Variants in ZBTB16 observed in about 807,000 individuals in gnomAD.
The protein encoded by ZBTB16 is zinc finger and BTB domain-containing protein 16.
ZBTB16 carries 8 observed loss-of-function variants against 56.8 expected under a neutral mutation model. The ratio of observed to expected loss-of-function variants is 0.14; its 90% CI spans 0.08 to 0.25. The LOEUF (loss-of-function observed/expected upper bound fraction) is 0.25. ZBTB16 is among the 10% of genes least tolerant of loss of function. The pLI is 1.00. For synonymous variants in ZBTB16, 363 were observed against 368.5 expected, an observed-to-expected ratio of 0.98 and a Z score of 0.17; for missense variants, 625 against 903.0, an observed-to-expected ratio of 0.69 and a Z score of 3.95.
intron 4 of ZBTB16, among the ~76,000 whole-genome samples, chr11:114,216,252 G>T (rs1944091357): frequency 6.6e-6 from 1 of 152,226 alleles, no homozygotes. Flanking sequence ...AAATGCAGAA[G>T]TGTCCCTGTT....
At chr11:114,111,523 G>A (rs769051797) in intron 2 of ZBTB16, among the ~76,000 whole-genome samples, 5 of 152,100 alleles carry the variant, frequency 3.3e-5, no homozygotes, top group Admixed American at 6.6e-5. Flanking sequence ...ATGAAATGAC[G>A]CTAAATAATG....
At chr11:114,094,030 T>A (rs1236466904) in intron 2 of ZBTB16, among the ~76,000 whole-genome samples, 2 of 152,218 alleles carry the variant, frequency 1.3e-5, no homozygotes, top group African/African-American at 4.8e-5. Flanking sequence ...TTTTGACTTT[T>A]CAGGGCCAGG....
intron 3 of ZBTB16, among the ~76,000 whole-genome samples, chr11:114,186,311 A>G (rs1943359997): frequency 1.3e-5 from 2 of 152,214 alleles, no homozygotes; most frequent in East Asian, 3.8e-4. Context: ...CGCGTGGTTC[A>G]GTGTAGCTGG....
chr11:114,210,337 G>A (rs1312035895), intron 4 of ZBTB16, among the ~76,000 whole-genome samples: 1 of 152,146 alleles, frequency 6.6e-6, no homozygotes, highest in Admixed American at 6.5e-5. Flanking sequence ...GAATCACCTT[G>A]CATTTCTTTC....
At chr11:114,138,656 T>G (rs916018926) in intron 2 of ZBTB16, among the ~76,000 whole-genome samples, 1 of 152,006 alleles carries the variant, frequency 6.6e-6, no homozygotes, top group South Asian at 2.1e-4. Flanking sequence ...TACCACTCTT[T>G]TCTCCCTTCC....
At chr11:114,148,424 CCT>C (rs1192234291) in intron 2 of ZBTB16, among the ~76,000 whole-genome samples, 2 of 24,432 alleles carry the variant, frequency 8.2e-5, no homozygotes, top group East Asian at 1.1e-3. Context: ...TCCCTCCCTC[CCT>C]CTCTCTCTCT....
chr11:114,118,946 A>G (rs946564253), intron 2 of ZBTB16, among the ~76,000 whole-genome samples: 4 of 152,104 alleles, frequency 2.6e-5, no homozygotes, highest in African/African-American at 4.8e-5. Flanking sequence ...TCAGGTTGAC[A>G]TTTCAGGTTG....
chr11:114,146,103 T>A (rs373608514), intron 2 of ZBTB16, among the ~76,000 whole-genome samples: 2 of 152,056 alleles, frequency 1.3e-5, no homozygotes, highest in African/African-American at 4.8e-5. Context: ...TTAACAGATA[T>A]AGGGTGAGTA....
chr11:114,235,985 C>T (rs1396377088), intron 4 of ZBTB16, among the ~76,000 whole-genome samples: 3 of 151,750 alleles, frequency 2.0e-5, no homozygotes, highest in Non-Finnish European at 4.4e-5. Flanking sequence ...AGTCATGTTC[C>T]TTGAGTCTCG....
At chr11:114,200,262 C>T (rs1943706856) in intron 4 of ZBTB16, among the ~76,000 whole-genome samples, 1 of 152,204 alleles carries the variant, frequency 6.6e-6, no homozygotes, top group African/African-American at 2.4e-5. Context: ...TTCTGTCCCT[C>T]ACCAGTAGAC....
intron 4 of ZBTB16, among the ~76,000 whole-genome samples, chr11:114,213,888 C>A (rs1318767819): frequency 6.6e-6 from 1 of 152,108 alleles, no homozygotes; most frequent in Admixed American, 6.6e-5. Flanking sequence ...GGGGTTTGAT[C>A]CACCATGAAT....
chr11:114,165,225 C>T (rs1013443182), intron 3 of ZBTB16, among the ~76,000 whole-genome samples: 2 of 152,162 alleles, frequency 1.3e-5, no homozygotes, highest in East Asian at 1.9e-4. Flanking sequence ...TAGAATGCTC[C>T]CAGCACCTAG....
chr11:114,089,437 A>G (rs892993214), intron 2 of ZBTB16, among the ~76,000 whole-genome samples: 7 of 152,202 alleles, frequency 4.6e-5, no homozygotes, highest in African/African-American at 1.7e-4. Context: ...AAGATCATTG[A>G]GGATAGGGAC....
At position 114,254,299 on chromosome 11, in the gene ZBTB16, G is replaced by A. The variant is rs1173921920; in HGVS notation, c.*3744G>A. On this transcript the variant is annotated 3_prime_UTR_variant, in exon 7 of 7. Coordinates refer to ENST00000335953, the MANE Select transcript of ZBTB16 (RefSeq NM_006006.6). ...AAGGCAGATCTGGGGTGCAGGGGTA[G>A]GTAGGGAGGCTGGGGGACCCAGTGA... 6.6e-6 allele frequency among the ~76,000 whole-genome samples: 1 copy of A among 152,168 alleles called. No homozygotes were observed. Among genetic ancestry groups the A allele is most frequent in the East Asian group, 1.9e-4 (1 of 5,182 alleles).
At chr11:114,070,819 T>C (rs1358797931) in intron 2 of ZBTB16, among the ~76,000 whole-genome samples, 1 of 152,216 alleles carries the variant, frequency 6.6e-6, no homozygotes, top group Admixed American at 6.5e-5. Flanking sequence ...AAAATCCTTT[T>C]TGAATCCATT....
At chr11:114,216,588 T>C (rs900626461) in intron 4 of ZBTB16, among the ~76,000 whole-genome samples, 2 of 152,162 alleles carry the variant, frequency 1.3e-5, no homozygotes, top group Non-Finnish European at 2.9e-5. Context: ...GGCAAGACAG[T>C]GCTATCAGCC....
At position 114,134,400 on chromosome 11, in the gene ZBTB16, G is replaced by A. The variant is rs1941746898; in HGVS notation, c.1269-21937G>A. Among the ~76,000 whole-genome samples, 6 of 152,110 alleles carry A rather than the reference G, an allele frequency of 3.9e-5. No individual in the cohort carries two copies. The South Asian group carries it at 1.2e-3, about 32-fold the overall frequency. ...TACTTTTTGGTATCCAAACTTGGTG[G>A]TAGCAGAAGGCAAGGTGGGGAATAG... On this transcript the variant is annotated intron_variant, in intron 2 of 6. Transcript: ENST00000335953.
chr11:114,092,143 T>A (rs1428193749), intron 2 of ZBTB16, among the ~76,000 whole-genome samples: 1 of 152,194 alleles, frequency 6.6e-6, no homozygotes, highest in Non-Finnish European at 1.5e-5. Context: ...GTGCTCTCTT[T>A]CACGGCCTCA....
At chr11:114,103,972 C>T (rs555296256) in intron 2 of ZBTB16, among the ~76,000 whole-genome samples, 5 of 152,260 alleles carry the variant, frequency 3.3e-5, no homozygotes, top group African/African-American at 1.2e-4. Context: ...GGGTTATCCA[C>T]ATCAGTTTCT....
Sources: gnomAD v4.1 joint callset for allele counts (sites outside exome capture counted in the v4.1 genomes callset) on GRCh38, gnomAD v4.1.1 for gene constraint, MANE v1.5 for transcripts, NCBI Gene and HGNC (gene_info 2026-07-23, HGNC 2026-07-21) for gene names.